The following DIP2C variants were observed in gnomAD, a reference collection of about 807,000 sequenced individuals.
DIP2C encodes disco-interacting protein 2 homolog C.
DIP2C carries 33 observed loss-of-function variants against 192.4 expected under a neutral mutation model. The ratio of observed to expected loss-of-function variants is 0.17; its 90% CI spans 0.13 to 0.23. DIP2C has a LOEUF of 0.23. DIP2C is among the 10% of genes least tolerant of loss of function. The pLI is 1.00. For synonymous variants in DIP2C, 979 were observed against 864.1 expected (o/e 1.13, Z -2.33); for missense variants, 1,537 against 2,110.1 (o/e 0.73, Z 5.32).
chr10:515,752 C>T (rs1000139004), intron 1 of DIP2C, among the ~76,000 whole-genome samples: 1 of 151,950 alleles, frequency 6.6e-6, no homozygotes, highest in Non-Finnish European at 1.5e-5. Flanking sequence ...ATAAGAAAGC[C>T]TTCAGAAAAA....
chr10:385,427 C>G (rs1962810917), intron 14 of DIP2C, among the ~76,000 whole-genome samples: 1 of 152,232 alleles, frequency 6.6e-6, no homozygotes, highest in Non-Finnish European at 1.5e-5. Context: ...AAGACGAAAC[C>G]TTTGGTGAAA....
chr10:597,205 G>GT (rs1314613273), intron 1 of DIP2C, among the ~76,000 whole-genome samples: 8 of 152,194 alleles, frequency 5.3e-5, no homozygotes, highest in African/African-American at 1.7e-4. Flanking sequence ...GTGCTCCTGG[G>GT]TCTCAGCTCC....
chr10:441,240 C>T, intron 3 of DIP2C: 1 of 454,210 alleles, frequency 2.2e-6, no homozygotes, highest in Non-Finnish European at 3.9e-6. Flanking sequence ...TGGCTGTAAA[C>T]TGCACTGAGA....
At chr10:527,178 A>C (rs1847102146) in intron 1 of DIP2C, among the ~76,000 whole-genome samples, 1 of 152,206 alleles carries the variant, frequency 6.6e-6, no homozygotes, top group Admixed American at 6.5e-5. Context: ...AAGGCCCCGT[A>C]CCGTGCGAAG....
chr10:520,480 C>CT (rs1406184380), intron 1 of DIP2C, among the ~76,000 whole-genome samples: 1 of 152,234 alleles, frequency 6.6e-6, no homozygotes, highest in African/African-American at 2.4e-5. Context: ...GGAGTAACAA[C>CT]TTTTACATGA....
At chr10:448,489 C>T (rs1968519822) in intron 3 of DIP2C, among the ~76,000 whole-genome samples, 1 of 145,548 alleles carries the variant, frequency 6.9e-6, no homozygotes, top group African/African-American at 2.6e-5. Flanking sequence ...CAGGATCACA[C>T]ACAGTGGGGC....
chr10:624,196 G>T (rs942889989), intron 1 of DIP2C, among the ~76,000 whole-genome samples: 2 of 152,212 alleles, frequency 1.3e-5, no homozygotes. Context: ...TCGGTCCCAG[G>T]GTCCCAAGCG....
chr10:275,908 G>A lies in DIP2C; in HGVS notation c.*1417C>T, dbSNP rs531080925. The A allele has an allele frequency of 2.6e-5, 4 of 152,348 alleles. No homozygotes were observed. The highest frequency in any genetic ancestry group is 4.8e-5 in the African/African-American group (2 of 41,576). The allele number at this position is 152,348 out of a possible 1,614,324, so 9.4% of individuals were successfully genotyped here. ...GAACCCCCGGGGAACTGTGCTCACT[G>A]AGCGAGGGAGCCCCAGAGGCTCACA... On this transcript the variant is annotated 3_prime_UTR_variant, in exon 37 of 37. Transcript: ENST00000280886.
At chr10:328,000 C>T (rs1044604923) in intron 30 of DIP2C, among the ~76,000 whole-genome samples, 4 of 152,150 alleles carry the variant, frequency 2.6e-5, no homozygotes, top group South Asian at 4.1e-4. Flanking sequence ...AATGTGAAGG[C>T]GAGCCGTGAA....
At chr10:559,369 G>A (rs1490534318) in intron 1 of DIP2C, among the ~76,000 whole-genome samples, 1 of 150,910 alleles carries the variant, frequency 6.6e-6, no homozygotes, top group Non-Finnish European at 1.5e-5. Flanking sequence ...CAAGCTCGGT[G>A]TGTCCTACCC....
At chr10:303,284 G>A (rs1956145205) in intron 32 of DIP2C, among the ~76,000 whole-genome samples, 3 of 151,728 alleles carry the variant, frequency 2.0e-5, no homozygotes, top group South Asian at 2.1e-4. Flanking sequence ...CACTGCACTT[G>A]TGAGCTAAGT....
chr10:587,717 C>T (rs1851162359), intron 1 of DIP2C, among the ~76,000 whole-genome samples: 1 of 126,470 alleles, frequency 7.9e-6, no homozygotes, highest in Non-Finnish European at 1.6e-5. Context: ...AGCCCTGACC[C>T]TCCTGAAACC....
intron 3 of DIP2C, among the ~76,000 whole-genome samples, chr10:453,289 G>T (rs1412503041): frequency 6.6e-6 from 1 of 152,224 alleles, no homozygotes; most frequent in South Asian, 2.1e-4. Flanking sequence ...CAGATGAGAG[G>T]CCGTGGAATG....
rs1351270074 is a variant in DIP2C, at chr10:344,902, C to T, written c.3360G>A (p.Lys1120=). The T allele has an allele frequency of 6.2e-7, 1 of 1,607,036 alleles. No individual in the cohort carries two copies. Among genetic ancestry groups the T allele is most frequent in the African/African-American group, 1.3e-5 (1 of 74,866 alleles). Residue 1120 remains lysine, a synonymous_variant, in exon 28 of 37, where the codon AAG becomes AAA. Coordinates refer to ENST00000280886, the MANE Select transcript of DIP2C (RefSeq NM_014974.3). ...LILDTDDLPK[K]RPAQICKPCN... ...AAGGTTTGCAGATCTGGGCAGGCCGCTTCTTTGGCAAATCATCTGGAGAGG... is the reference window on the plus strand; with the variant it reads ...AAGGTTTGCAGATCTGGGCAGGCCGTTTCTTTGGCAAATCATCTGGAGAGG...
At chr10:435,113 G>A (rs376864894) in intron 4 of DIP2C, among the ~76,000 whole-genome samples, 102 of 152,130 alleles carry the variant, frequency 6.7e-4, no homozygotes, top group African/African-American at 2.3e-3. Flanking sequence ...TTACCGTTCC[G>A]CATAATTTAT....
chr10:672,108 CG>C (rs1326474671), intron 1 of DIP2C, among the ~76,000 whole-genome samples: 1 of 151,490 alleles, frequency 6.6e-6, no homozygotes, highest in Non-Finnish European at 1.5e-5. Context: ...AGGCCACAGA[CG>C]CACGGAGGGA....
intron 1 of DIP2C, among the ~76,000 whole-genome samples, chr10:616,756 A>T (rs1347000196): frequency 6.6e-6 from 1 of 152,230 alleles, no homozygotes; most frequent in African/African-American, 2.4e-5. Flanking sequence ...AGGCCAGGCA[A>T]GCATAGAGAG....
chr10:658,520 C>G (rs4881499), intron 1 of DIP2C, among the ~76,000 whole-genome samples: 1 of 152,212 alleles, frequency 6.6e-6, no homozygotes, highest in Non-Finnish European at 1.5e-5. Flanking sequence ...TGAGGCAGAG[C>G]TGCTGGCATC....
At chr10:287,364 T>G (rs1955199612) in intron 33 of DIP2C, among the ~76,000 whole-genome samples, 1 of 152,218 alleles carries the variant, frequency 6.6e-6, no homozygotes, top group Non-Finnish European at 1.5e-5. Context: ...TCAGATCAGC[T>G]CATCTAACAT....
Sources: allele counts gnomAD v4.1 joint callset (sites outside exome capture counted in the v4.1 genomes callset), GRCh38; gene constraint gnomAD v4.1.1; transcripts MANE v1.5; gene names NCBI Gene and HGNC (gene_info 2026-07-23, HGNC 2026-07-21).